The following NUMA1 variants were observed in gnomAD, a reference collection of about 807,000 sequenced individuals.
NUMA1 encodes the protein nuclear mitotic apparatus protein 1, also known as SP-H antigen.
A neutral mutation model predicts 237.1 loss-of-function variants in NUMA1; 62 were observed. That is an observed-to-expected ratio of 0.26 (90% CI 0.21 to 0.32). The LOEUF (loss-of-function observed/expected upper bound fraction) is 0.32, where lower values mean the gene tolerates loss of function less well. NUMA1 is among the 10% of genes least tolerant of loss of function. The probability of loss-of-function intolerance (pLI) is 1.00; values close to 1 mark genes in which losing one functional copy is unlikely to be tolerated. For synonymous variants in NUMA1, 1,028 were observed against 1,066.1 expected (o/e 0.96, Z 0.70); for missense variants, 2,533 against 2,666.5 (o/e 0.95, Z 1.10).
At chr11:72,005,081 G>C (rs916061723) in intron 23 of NUMA1, 152 bp downstream of exon 23, 1 of 950,904 alleles carries the variant, frequency 1.1e-6, no homozygotes, top group Non-Finnish European at 1.5e-6. Context: ...TGCCCTCCCA[G>C]CTGTCTGTTC....
chr11:72,058,741 T>C (rs935547935), intron 2 of NUMA1, among the ~76,000 whole-genome samples: 1 of 152,208 alleles, frequency 6.6e-6, no homozygotes, highest in African/African-American at 2.4e-5. Context: ...AGACATGTGA[T>C]AGTTACTGTT....
Position 72,018,913 on chromosome 11 carries a change from G to T in NUMA1, c.652C>A (p.Arg218=). 6.2e-7 allele frequency: 1 copy of T among 1,614,016 alleles called. No individual in the cohort carries two copies. The highest frequency in any genetic ancestry group is 8.5e-7 in the Non-Finnish European group (1 of 1,179,994). The change falls in exon 10 of 27, where the codon CGG becomes AGG. Residue 218 remains arginine (R), a synonymous_variant. Transcript: ENST00000393695. ...ILQTPQFQMR[R]LKKQLADERS... is the part of the protein sequence containing the mutation. Reference sequence around the variant, plus strand: ...TCATCAGCAAGCTGCTTCTTCAGCCGTCTCATCTGGAACTGTGGGGTCTGC... The same window carrying T: ...TCATCAGCAAGCTGCTTCTTCAGCCTTCTCATCTGGAACTGTGGGGTCTGC...
intron 3 of NUMA1, among the ~76,000 whole-genome samples, chr11:72,032,513 G>C (rs1235133624): frequency 1.3e-5 from 2 of 152,204 alleles, no homozygotes; most frequent in African/African-American, 4.8e-5. Context: ...CTGATGTAAA[G>C]TCTCCTAAGG....
At chr11:72,003,577 C>T (rs372473305) in intron 26 of NUMA1, 39 bp from the exon 27 acceptor site, 197 of 1,613,518 alleles carry the variant, frequency 1.2e-4, no homozygotes, top group Non-Finnish European at 1.5e-4. Flanking sequence ...TGAGAACTTG[C>T]GATACTAGCC....
chr11:72,016,612 ACATGGGGCCCAT>A (rs1330629655), intron 13 of NUMA1, 82 bp from the exon 14 acceptor site: 1 of 1,504,690 alleles, frequency 6.6e-7, no homozygotes, highest in Non-Finnish European at 9.0e-7. Flanking sequence ...ACATCAGCAA[ACATGGGGCCCAT>A]CATCTTGTTA....
chr11:72,067,121 C>G (rs1943236072), intron 2 of NUMA1: 1 of 152,206 alleles, frequency 6.6e-6, no homozygotes, highest in African/African-American at 2.4e-5. Flanking sequence ...CTACAGGTCA[C>G]CTCCTCTTCT....
At chr11:72,031,672 C>G (rs144901375) in intron 3 of NUMA1, among the ~76,000 whole-genome samples, 78 of 152,002 alleles carry the variant, frequency 5.1e-4, no homozygotes, top group African/African-American at 1.7e-3. Context: ...GGTGAGGTGG[C>G]TTGCGCCTGT....
In NUMA1 at chr11:72,017,682, G is replaced by A. The variant is rs1390717866; in HGVS notation, c.1119+5C>T. On this transcript the variant is annotated splice_donor_5th_base_variant and intron_variant, in intron 13 of 26. Coordinates refer to ENST00000393695, the MANE Select transcript of NUMA1 (RefSeq NM_006185.4). ...ACTGTGGCTGTGACCCCAGCAGAGG[G>A]TTACCTTGTCCTGCAGGGCTGCGCT... is the stretch of plus-strand genomic sequence containing the variant. The A allele has an allele frequency of 6.2e-7, 1 of 1,612,738 alleles. No homozygotes were observed. The highest frequency in any genetic ancestry group is 1.3e-5 in the African/African-American group (1 of 74,924).
rs141119336 is a variant in NUMA1 at position 72,005,519 on chromosome 11, C to T, written c.5693-150G>A. 2.2e-4 allele frequency: 151 copies of T among 678,562 alleles called. 1 individual carries two copies. The Middle Eastern group carries it at 7.4e-3, about 33-fold the overall frequency. The allele number at this position is 678,562 out of a possible 1,614,324, so 42.0% of individuals were successfully genotyped here. A position where few individuals can be genotyped will look rare whatever the true frequency, so the allele number is the denominator to read the frequency against. On this transcript the variant is annotated intron_variant, in intron 22 of 26. Transcript: ENST00000393695. Reference sequence around the variant, plus strand: ...ATTCAGTGCCGCAGGTGCAGGAGTACGGCACACAGACTATTTCTATCCTAG... The same window carrying T: ...ATTCAGTGCCGCAGGTGCAGGAGTATGGCACACAGACTATTTCTATCCTAG...
At chr11:72,027,634 A>G (rs1296307474) in intron 4 of NUMA1, among the ~76,000 whole-genome samples, 18 of 152,212 alleles carry the variant, frequency 1.2e-4, no homozygotes, top group Admixed American at 1.2e-3. Context: ...CCCCCTGATG[A>G]AAGATCTTAA....
chr11:72,018,584 C>CTATGTG, intron 10 of NUMA1, 71 bp from the exon 11 acceptor site: 1 of 1,326,074 alleles, frequency 7.5e-7, no homozygotes, highest in African/African-American at 1.4e-5. Context: ...GTGCACAGAA[C>CTATGTG]TATGTGCACA....
chr11:72,052,701 T>C (rs1001060523), intron 2 of NUMA1, among the ~76,000 whole-genome samples: 2 of 151,564 alleles, frequency 1.3e-5, no homozygotes, highest in Non-Finnish European at 2.9e-5. Flanking sequence ...GAGGTGGAGG[T>C]TGCAGTGAGC....
At position 72,016,398 on chromosome 11, in the gene NUMA1, G is replaced by A; in HGVS notation, c.1242+10C>T. On this transcript the variant is annotated intron_variant, in intron 14 of 26. Transcript: ENST00000393695. Reference sequence around the variant, plus strand: ...ACCAGCAGCACACAGGTCTTTCTGTGCATTCCTACCTGCAAGACATCACCC... The same window carrying A: ...ACCAGCAGCACACAGGTCTTTCTGTACATTCCTACCTGCAAGACATCACCC... 1 of 1,613,376 alleles carries A rather than the reference G, an allele frequency of 6.2e-7. No homozygotes were observed. Among genetic ancestry groups the A allele is most frequent in the Non-Finnish European group, 8.5e-7 (1 of 1,179,800 alleles).
chr11:72,007,180 C>T lies in NUMA1; in HGVS notation c.5463+9G>A, dbSNP rs1278644313. The T allele has an allele frequency of 1.2e-6, 2 of 1,605,844 alleles. No individual in the cohort carries two copies. The highest frequency in any genetic ancestry group is 1.7e-6 in the Non-Finnish European group (2 of 1,179,806). ...TGCTGCCCTGCAGCCCCTGTCCCAGCAGCCTGACCTTGGTCATGGTGATGT... is the reference window on the plus strand; with the variant it reads ...TGCTGCCCTGCAGCCCCTGTCCCAGTAGCCTGACCTTGGTCATGGTGATGT... On this transcript the variant is annotated intron_variant, in intron 21 of 26. Coordinates refer to ENST00000393695, the MANE Select transcript of NUMA1 (RefSeq NM_006185.4).
chr11:72,008,098 G>C, intron 20 of NUMA1: 2 of 478,704 alleles, frequency 4.2e-6, no homozygotes, highest in Non-Finnish European at 8.3e-6. Context: ...CTACCTCAGA[G>C]GGTTGTTGGG....
chr11:72,024,195 T>C (rs1487452263), intron 5 of NUMA1, 79 bp downstream of exon 5: 3 of 1,303,476 alleles, frequency 2.3e-6, no homozygotes, highest in African/African-American at 2.9e-5. Context: ...CAGACACCCA[T>C]GAACTAGTTC....
At chr11:72,026,978 C>A (rs1939669694) in intron 4 of NUMA1, among the ~76,000 whole-genome samples, 2 of 152,168 alleles carry the variant, frequency 1.3e-5, no homozygotes. Context: ...CAGGCAACAC[C>A]CTAGAAGACA....
Position 72,029,187 on chromosome 11 carries a change from G to A in NUMA1, c.128+18C>T. On this transcript the variant is annotated intron_variant, in intron 4 of 26. Coordinates refer to ENST00000393695, the MANE Select transcript of NUMA1 (RefSeq NM_006185.4). ...AGCTTTGCCTTAGAGGCTAGAAAGG[G>A]GTATGGTGCGTACTCACATTCTGTC... 1 of 1,589,436 alleles carries A rather than the reference G, an allele frequency of 6.3e-7. No individual in the cohort carries two copies. The highest frequency in any genetic ancestry group is 1.3e-5 in the African/African-American group (1 of 74,582).
chr11:72,015,815 T>C lies in NUMA1; in HGVS notation c.1688A>G (p.Lys563Arg), dbSNP rs1226144279. 6.2e-7 allele frequency: 1 copy of C among 1,614,220 alleles called. No homozygotes were observed. Among genetic ancestry groups the C allele is most frequent in the South Asian group, 1.1e-5 (1 of 91,082 alleles). Reference sequence around the variant, plus strand: ...CGCTACCTCCTTCAACTGCTGCTCCTTCTGCTTCAGGCTACTGCTTAGCTG... The same window carrying C: ...CGCTACCTCCTTCAACTGCTGCTCCCTCTGCTTCAGGCTACTGCTTAGCTG... ...VEQLSSSLKQ[K>R]EQQLKEVAEK... Residue 563 changes from lysine to arginine, a missense_variant, in exon 15 of 27, where the codon AAG becomes AGG. Around this residue, in one of 3 missense-constraint regions of NUMA1, gnomAD observed 1,414 missense variants for 1,508.1 expected, o/e 0.94. Transcript: ENST00000393695. This position sits in a 1 kb window ranked among gnomAD's most constrained non-coding sequence, Gnocchi z 4.0.
Sources: allele counts gnomAD v4.1 joint callset (sites outside exome capture counted in the v4.1 genomes callset), GRCh38; gene constraint gnomAD v4.1.1; regional missense constraint gnomAD v4.1.1; non-coding constraint Gnocchi (gnomAD v3.1); transcripts MANE v1.5; gene names NCBI Gene and HGNC (gene_info 2026-07-23, HGNC 2026-07-21).